The following GRM5 variants were observed in gnomAD, a reference collection of about 807,000 sequenced individuals.
The protein encoded by GRM5 is glutamate metabotropic receptor 5.
A neutral mutation model predicts 83.1 loss-of-function variants in GRM5; 19 were observed. The observed-to-expected ratio is 0.23, with a 90% CI of 0.16 to 0.34. The LOEUF is 0.34. Ranked by LOEUF, GRM5 falls within the 10% of genes least tolerant of loss-of-function variation. GRM5 has a pLI of 1.00. For synonymous variants in GRM5, 675 were observed against 633.6 expected, an observed-to-expected ratio of 1.07 and a Z score of -0.98; for missense variants, 1,160 against 1,588.3, an observed-to-expected ratio of 0.73 and a Z score of 4.58.
intron 3 of GRM5, among the ~76,000 whole-genome samples, chr11:88,748,447 G>A (rs1330845360): frequency 6.6e-6 from 1 of 152,118 alleles, no homozygotes. Context: ...TCCTGAGATG[G>A]GTCTGAGTTC....
At chr11:88,540,635 CT>C (rs1942245014) in intron 8 of GRM5, among the ~76,000 whole-genome samples, 1 of 152,192 alleles carries the variant, frequency 6.6e-6, no homozygotes, top group Non-Finnish European at 1.5e-5. Context: ...ATCATCTCCA[CT>C]TCATGACACG....
Position 88,830,978 on chromosome 11 carries a change from G to C in GRM5, c.911+18928C>G, listed in dbSNP as rs990692560. ...CATGAGACTTAGCATCATGAGAACA[G>C]CATGGGAAAGACCTGACCCCCATGA... On this transcript the variant is annotated intron_variant, in intron 3 of 9. Transcript: ENST00000305447. 1.4e-4 allele frequency among the ~76,000 whole-genome samples: 22 copies of C among 152,152 alleles called. No individual in the cohort carries two copies. In the South Asian group the frequency reaches 4.4e-3, roughly 30 times the overall value.
intron 4 of GRM5, among the ~76,000 whole-genome samples, chr11:88,621,491 G>A (rs1207937043): frequency 3.9e-5 from 6 of 152,086 alleles, no homozygotes; most frequent in Non-Finnish European, 8.8e-5. Context: ...TTAGAGTTGT[G>A]AGAATTAGAG....
intron 4 of GRM5, among the ~76,000 whole-genome samples, chr11:88,611,319 A>G (rs1386618835): frequency 6.6e-6 from 1 of 152,122 alleles, no homozygotes; most frequent in Middle Eastern, 3.2e-3. Context: ...CATCTGGTAG[A>G]ATTTGGCTTT....
intron 3 of GRM5, among the ~76,000 whole-genome samples, chr11:88,772,166 CT>C (rs1749258172): frequency 6.6e-6 from 1 of 151,878 alleles, no homozygotes; most frequent in South Asian, 2.1e-4. Context: ...ATAAAGATAT[CT>C]ATTGAAACAT....
At chr11:88,732,481 G>A (rs1311771887) in intron 3 of GRM5, among the ~76,000 whole-genome samples, 1 of 152,012 alleles carries the variant, frequency 6.6e-6, no homozygotes, top group Non-Finnish European at 1.5e-5. Context: ...TGCTGGGCAC[G>A]AGGGACTTTG....
intron 2 of GRM5, among the ~76,000 whole-genome samples, chr11:88,946,352 C>G (rs952019946): frequency 7.9e-5 from 12 of 152,062 alleles, no homozygotes; most frequent in African/African-American, 2.7e-4. Flanking sequence ...TTAAACAGAG[C>G]TATCATTCGA....
At chr11:88,836,773 T>A (rs1944102167) in intron 3 of GRM5, among the ~76,000 whole-genome samples, 1 of 151,918 alleles carries the variant, frequency 6.6e-6, no homozygotes, top group East Asian at 1.9e-4. Flanking sequence ...CCAGCTTGGG[T>A]GATAGAGTGA....
chr11:88,773,935 G>A (rs1942792080), intron 3 of GRM5, among the ~76,000 whole-genome samples: 1 of 152,098 alleles, frequency 6.6e-6, no homozygotes, highest in African/African-American at 2.4e-5. Context: ...GGCAATGAAG[G>A]CTCTTTTTTG....
intron 9 of GRM5, among the ~76,000 whole-genome samples, chr11:88,516,766 T>G (rs542341026): frequency 6.6e-6 from 1 of 152,166 alleles, no homozygotes; most frequent in South Asian, 2.1e-4. Context: ...GCCTTATATC[T>G]GTCAGTTCTA....
At chr11:89,064,075 A>G (rs1352317972) in intron 1 of GRM5, among the ~76,000 whole-genome samples, 1 of 152,166 alleles carries the variant, frequency 6.6e-6, no homozygotes, top group African/African-American at 2.4e-5. Flanking sequence ...TCCTTGTCTC[A>G]GGGGGAATAT....
chr11:88,771,319 A>C (rs951731836), intron 3 of GRM5, among the ~76,000 whole-genome samples: 15 of 152,118 alleles, frequency 9.9e-5, no homozygotes, highest in African/African-American at 2.7e-4. Context: ...AGCTGAGGAA[A>C]AAAGAAGGCA....
At chr11:88,817,371 C>G (rs1487534375) in intron 3 of GRM5, among the ~76,000 whole-genome samples, 3 of 151,948 alleles carry the variant, frequency 2.0e-5, no homozygotes, top group Non-Finnish European at 4.4e-5. Context: ...TATTTTTCCA[C>G]CAGACTTCTT....
At chr11:88,889,912 T>G (rs1409541539) in intron 2 of GRM5, among the ~76,000 whole-genome samples, 2 of 152,176 alleles carry the variant, frequency 1.3e-5, no homozygotes, top group African/African-American at 4.8e-5. Flanking sequence ...TAAGAGCAGA[T>G]AGTGCCCTCT....
At chr11:88,729,166 C>T (rs529868250) in intron 3 of GRM5, among the ~76,000 whole-genome samples, 1 of 152,248 alleles carries the variant, frequency 6.6e-6, no homozygotes, top group South Asian at 2.1e-4. Context: ...TGATAAGCAA[C>T]TTCAGCAAAA....
At chr11:88,963,491 T>G (rs1014915014) in intron 2 of GRM5, among the ~76,000 whole-genome samples, 3 of 152,176 alleles carry the variant, frequency 2.0e-5, no homozygotes. Flanking sequence ...AGTAATAAAC[T>G]TGCCATCCCT....
At chr11:89,001,595 C>T (rs190708805) in intron 2 of GRM5, among the ~76,000 whole-genome samples, 1 of 151,990 alleles carries the variant, frequency 6.6e-6, no homozygotes, top group South Asian at 2.1e-4. Context: ...CATGAAGGAT[C>T]TTTGTGGTGG....
At chr11:89,043,035 G>A (rs1052438561) in intron 2 of GRM5, among the ~76,000 whole-genome samples, 6 of 152,148 alleles carry the variant, frequency 3.9e-5, no homozygotes, top group African/African-American at 1.2e-4. Flanking sequence ...AGTGTAGCGT[G>A]AACAGGATTT....
intron 8 of GRM5, among the ~76,000 whole-genome samples, chr11:88,552,614 C>T (rs1942533768): frequency 6.6e-6 from 1 of 152,128 alleles, no homozygotes; most frequent in Admixed American, 6.6e-5. Flanking sequence ...CTGCCACCTA[C>T]TGGCCAGGAA....
Sources: allele counts gnomAD v4.1 joint callset (sites outside exome capture counted in the v4.1 genomes callset), GRCh38; gene constraint gnomAD v4.1.1; transcripts MANE v1.5; gene names NCBI Gene and HGNC (gene_info 2026-07-23, HGNC 2026-07-21).